SUGCT: variants seen among roughly 807,000 people sequenced by gnomAD.
The protein encoded by SUGCT is succinyl-CoA:glutarate-CoA transferase, also known as succinyl-CoA:glutarate CoA-transferase.
In SUGCT, 41 loss-of-function variants were observed where a neutral mutation model predicts 55.0. That is an observed-to-expected ratio of 0.74 (90% confidence interval 0.58 to 0.97). SUGCT has a LOEUF of 0.97. SUGCT is among the 50% of genes least tolerant of loss of function. The pLI, the probability that SUGCT is intolerant of heterozygous loss-of-function variation, is 0.00. For synonymous variants in SUGCT, 187 were observed against 200.4 expected, an observed-to-expected ratio of 0.93 and a Z score of 0.56; for missense variants, 568 against 547.8, an observed-to-expected ratio of 1.04 and a Z score of -0.37.
intron 9 of SUGCT, among the ~76,000 whole-genome samples, chr7:40,374,277 C>T (rs112128242): frequency 2.0e-5 from 3 of 152,250 alleles, no homozygotes; most frequent in African/African-American, 7.2e-5. Flanking sequence ...GCTTTTTGCA[C>T]GTGCTTTCTG....
At chr7:40,588,757 T>G (rs892943222) in intron 12 of SUGCT, among the ~76,000 whole-genome samples, 1 of 152,220 alleles carries the variant, frequency 6.6e-6, no homozygotes, top group African/African-American at 2.4e-5. Context: ...ACAGGATATG[T>G]TATTCTTTGA....
At chr7:40,218,747 G>T (rs192243082) in intron 6 of SUGCT, among the ~76,000 whole-genome samples, 1 of 152,072 alleles carries the variant, frequency 6.6e-6, no homozygotes, top group Non-Finnish European at 1.5e-5. Flanking sequence ...CTGTAAAAAC[G>T]CACCAATCAG....
At chr7:40,322,973 T>TAAAATAAATAAAATAAAATA (rs112365894) in intron 9 of SUGCT, among the ~76,000 whole-genome samples, 2 of 146,582 alleles carry the variant, frequency 1.4e-5, no homozygotes, top group Non-Finnish European at 3.0e-5. Flanking sequence ...TCAAATAAAA[T>TAAAATAAATAAAATAAAATA]AAATAAAATA....
intron 12 of SUGCT, among the ~76,000 whole-genome samples, chr7:40,502,255 C>G (rs1199077943): frequency 6.6e-6 from 1 of 151,982 alleles, no homozygotes; most frequent in Non-Finnish European, 1.5e-5. Flanking sequence ...CAATCATTGA[C>G]TTTTACTAAA....
the SUGCT span, chr7:40,965,966 G>A: frequency 1.3e-5 from 2 of 152,242 alleles, no homozygotes; most frequent in Admixed American, 6.5e-5. Context: ...CAGGTTTCAG[G>A]GTGTTTCCCC....
intron 13 of SUGCT, among the ~76,000 whole-genome samples, chr7:40,853,368 G>A (rs1018938759): frequency 4.0e-5 from 6 of 151,896 alleles, no homozygotes. Flanking sequence ...ATAGATAGAA[G>A]CTCTTTTTGT....
In SUGCT at chr7:40,360,182, T is replaced by A. The variant is rs996191506; in HGVS notation, c.816+43327T>A. On this transcript the variant is annotated intron_variant, in intron 9 of 13. Coordinates refer to ENST00000335693, the MANE Select transcript of SUGCT (RefSeq NM_001193313.2). ...GCACCCGCCACCACACCTGGCTAAT[T>A]TTTGTATTTTTAGTAGAGGCAGGGT... Among the ~76,000 whole-genome samples the A allele has an allele frequency of 5.3e-5, 8 of 152,226 alleles. No individual in the cohort carries two copies. In the South Asian group the frequency reaches 1.2e-3, roughly 24 times the overall value.
At chr7:40,175,740 A>C (rs191773048) in intron 1 of SUGCT, among the ~76,000 whole-genome samples, 1 of 152,184 alleles carries the variant, frequency 6.6e-6, no homozygotes, top group Admixed American at 6.5e-5. Flanking sequence ...AAAAGCACAA[A>C]AATGTTAAAA....
chr7:40,829,706 G>A (rs866331897), intron 13 of SUGCT, among the ~76,000 whole-genome samples: 9 of 152,132 alleles, frequency 5.9e-5, no homozygotes, highest in African/African-American at 1.9e-4. Context: ...CAGTGTCATG[G>A]TGGGTTCTCC....
intron 12 of SUGCT, among the ~76,000 whole-genome samples, chr7:40,516,836 T>C (rs1399067314): frequency 2.0e-5 from 3 of 152,218 alleles, no homozygotes; most frequent in Middle Eastern, 3.4e-3. Flanking sequence ...ACATGAATTT[T>C]TGGAAAACCT....
chr7:40,551,617 A>G (rs2151641166), intron 12 of SUGCT, among the ~76,000 whole-genome samples: 1 of 152,336 alleles, frequency 6.6e-6, no homozygotes, highest in Non-Finnish European at 1.5e-5. Context: ...CATGGGCACC[A>G]TAAGTGATCA....
chr7:40,646,412 G>A (rs1255400524), intron 12 of SUGCT, among the ~76,000 whole-genome samples: 4 of 152,038 alleles, frequency 2.6e-5, no homozygotes, highest in Non-Finnish European at 5.9e-5. Flanking sequence ...ACCCATCAAT[G>A]CCTTCTCAGT....
Position 40,487,858 on chromosome 7 carries a change from T to C in SUGCT, c.987-8426T>C, listed in dbSNP as rs1221617908. Among the ~76,000 whole-genome samples, 4 of 152,152 alleles carry C rather than the reference T, an allele frequency of 2.6e-5. No homozygotes were observed. In the East Asian group the frequency reaches 5.8e-4, roughly 22 times the overall value. Reference sequence around the variant, plus strand: ...TTTCGGTTTTCAGTTGTGTGCAATATATTTTTCCATTCCTTCACTTTCAGT... The same window carrying C: ...TTTCGGTTTTCAGTTGTGTGCAATACATTTTTCCATTCCTTCACTTTCAGT... On this transcript the variant is annotated intron_variant, in intron 11 of 13. Coordinates refer to ENST00000335693, the MANE Select transcript of SUGCT (RefSeq NM_001193313.2).
chr7:40,426,500 A>G (rs1199500011), intron 9 of SUGCT, among the ~76,000 whole-genome samples: 1 of 152,196 alleles, frequency 6.6e-6, no homozygotes, highest in Non-Finnish European at 1.5e-5. Flanking sequence ...GAGAAGCTAC[A>G]TAGAGGCTGA....
At chr7:40,800,798 A>C (rs982784885) in intron 13 of SUGCT, among the ~76,000 whole-genome samples, 1 of 152,196 alleles carries the variant, frequency 6.6e-6, no homozygotes, top group African/African-American at 2.4e-5. Flanking sequence ...ATAATCATAA[A>C]GTGTCTACTA....
At chr7:40,536,501 G>A (rs552989363) in intron 12 of SUGCT, among the ~76,000 whole-genome samples, 3 of 152,298 alleles carry the variant, frequency 2.0e-5, no homozygotes, top group Admixed American at 6.5e-5. Flanking sequence ...TGCCCTAAGG[G>A]GTTTGAGAAT....
At chr7:40,663,296 C>CAA (rs71000127) in intron 12 of SUGCT, among the ~76,000 whole-genome samples, 10,254 of 148,968 alleles carry the variant, frequency 0.069, 392 homozygotes, top group Middle Eastern at 0.14. Context: ...ATGTATATTT[C>CAA]AAAAAAAAAA....
intron 8 of SUGCT, among the ~76,000 whole-genome samples, chr7:40,303,343 G>A (rs1794652349): frequency 6.6e-6 from 1 of 152,062 alleles, no homozygotes; most frequent in Non-Finnish European, 1.5e-5. Context: ...CAAGAAAGCT[G>A]TTTCTATAAA....
chr7:40,364,758 TG>T (rs1264629840), intron 9 of SUGCT, among the ~76,000 whole-genome samples: 1 of 152,056 alleles, frequency 6.6e-6, no homozygotes, highest in Non-Finnish European at 1.5e-5. Flanking sequence ...TCTGAAATTG[TG>T]GCAATAATCA....
Sources: gnomAD v4.1 joint callset for allele counts (sites outside exome capture counted in the v4.1 genomes callset) on GRCh38, gnomAD v4.1.1 for gene constraint, MANE v1.5 for transcripts, NCBI Gene and HGNC (gene_info 2026-07-23, HGNC 2026-07-21) for gene names.